VEPH1: variants seen among roughly 807,000 people sequenced by gnomAD.
The protein encoded by VEPH1 is ventricular zone-expressed PH domain-containing protein homolog 1.
In VEPH1, 80 loss-of-function variants were observed where a neutral mutation model predicts 85.2. The ratio of observed to expected loss-of-function variants is 0.94; its 90% CI spans 0.78 to 1.13. VEPH1 has a LOEUF of 1.13. VEPH1 is among the 50% of genes most tolerant of loss of function. VEPH1 has a pLI of 0.00. For missense variants in VEPH1, 955 were observed against 980.5 expected (o/e 0.97, Z 0.35); for synonymous variants, 297 against 348.0 (o/e 0.85, Z 1.63).
intron 9 of VEPH1, among the ~76,000 whole-genome samples, chr3:157,358,141 A>G (rs1273726886): frequency 1.3e-5 from 2 of 152,196 alleles, no homozygotes; most frequent in East Asian, 1.9e-4. Flanking sequence ...GCTGTTGCAG[A>G]TGACTGGGAT....
intron 6 of VEPH1, among the ~76,000 whole-genome samples, chr3:157,413,169 A>T (rs1731651914): frequency 1.3e-5 from 2 of 152,152 alleles, no homozygotes; most frequent in Admixed American, 1.3e-4. Flanking sequence ...AAAAATCCTA[A>T]ATCCCAACAT....
intron 9 of VEPH1, among the ~76,000 whole-genome samples, chr3:157,332,713 TGTTTTG>T (rs1472210053): frequency 6.6e-6 from 1 of 152,252 alleles, no homozygotes; most frequent in Non-Finnish European, 1.5e-5. Flanking sequence ...TTCAAGTACA[TGTTTTG>T]GTTTGAACAC....
chr3:157,442,345 C>T, intron 4 of VEPH1: 1 of 1,541,172 alleles, frequency 6.5e-7, no homozygotes. Context: ...TAATATTCTT[C>T]TTATTTTCTT....
intron 2 of VEPH1, among the ~76,000 whole-genome samples, chr3:157,477,258 C>T (rs529727785): frequency 1.3e-5 from 2 of 151,674 alleles, no homozygotes; most frequent in African/African-American, 2.4e-5. Flanking sequence ...TGGTCCCTTC[C>T]TCCATCTTTA....
At chr3:157,375,583 A>G (rs1299714582) in intron 7 of VEPH1, among the ~76,000 whole-genome samples, 1 of 152,184 alleles carries the variant, frequency 6.6e-6, no homozygotes. Flanking sequence ...GATAAATGGA[A>G]TTCTGGAGCC....
intron 1 of VEPH1, among the ~76,000 whole-genome samples, chr3:157,500,268 G>C (rs937616357): frequency 2.1e-4 from 32 of 152,282 alleles, no homozygotes; most frequent in African/African-American, 7.5e-4. Context: ...AGGTTTTTAA[G>C]ACTGCATTCT....
intron 6 of VEPH1, among the ~76,000 whole-genome samples, chr3:157,408,280 C>T (rs1200962811): frequency 6.6e-6 from 1 of 152,162 alleles, no homozygotes; most frequent in African/African-American, 2.4e-5. Flanking sequence ...CCATATTCCC[C>T]TGTCAACTTT....
chr3:157,438,859 T>C (rs1339522708), intron 4 of VEPH1, among the ~76,000 whole-genome samples: 1 of 152,242 alleles, frequency 6.6e-6, no homozygotes, highest in African/African-American at 2.4e-5. Context: ...TTTTGGATTG[T>C]ATTAGAAAAT....
At chr3:157,470,681 C>T (rs907606889) in intron 2 of VEPH1, 152 bp from the exon 3 acceptor site, 14 of 667,538 alleles carry the variant, frequency 2.1e-5, no homozygotes, top group African/African-American at 7.3e-5. Flanking sequence ...AGGCTTCCTT[C>T]CTTGGAGATC....
intron 4 of VEPH1, among the ~76,000 whole-genome samples, chr3:157,457,977 G>A (rs1735520096): frequency 6.6e-6 from 1 of 152,138 alleles, no homozygotes; most frequent in South Asian, 2.1e-4. Flanking sequence ...GAATTCAGCT[G>A]TGAATCTGTC....
intron 11 of VEPH1, among the ~76,000 whole-genome samples, chr3:157,297,341 G>A (rs984470872): frequency 1.3e-5 from 2 of 152,042 alleles, no homozygotes; most frequent in Non-Finnish European, 1.5e-5. Flanking sequence ...ACCTAGGAGC[G>A]CTGGATTTAA....
At chr3:157,355,064 T>C (rs1247380062) in intron 9 of VEPH1, among the ~76,000 whole-genome samples, 1 of 152,166 alleles carries the variant, frequency 6.6e-6, no homozygotes, top group Non-Finnish European at 1.5e-5. Context: ...GACGGTTCTC[T>C]TCAGCTCCCA....
At chr3:157,331,838 A>T (rs533496267) in intron 9 of VEPH1, among the ~76,000 whole-genome samples, 1 of 152,232 alleles carries the variant, frequency 6.6e-6, no homozygotes, top group African/African-American at 2.4e-5. Context: ...TCCATTGTAC[A>T]TAAGCTTTAT....
chr3:157,455,208 CAAAT>C (rs1366283115), intron 4 of VEPH1, among the ~76,000 whole-genome samples: 4 of 152,210 alleles, frequency 2.6e-5, no homozygotes, highest in Admixed American at 2.0e-4. Flanking sequence ...GGCATTCCCA[CAAAT>C]AGTGTATAAG....
intron 4 of VEPH1, among the ~76,000 whole-genome samples, chr3:157,447,338 T>C (rs960955872): frequency 9.9e-5 from 15 of 151,692 alleles, no homozygotes; most frequent in African/African-American, 3.7e-4. Context: ...TTGATCCATA[T>C]GTGCATTGTC....
At chr3:157,360,566 A>G (rs944035916) in intron 9 of VEPH1, among the ~76,000 whole-genome samples, 7 of 152,172 alleles carry the variant, frequency 4.6e-5, no homozygotes, top group Admixed American at 3.3e-4. Context: ...CCATAACCCC[A>G]TTGTAAGTTG....
At position 157,261,295 on chromosome 3, in the gene VEPH1, C is replaced by T. The variant is rs761566891; in HGVS notation, c.2341G>A (p.Asp781Asn). The change falls in exon 14 of 14, where the codon GAC (aspartate) becomes AAC (asparagine). Residue 781 changes from aspartate to asparagine, a missense_variant. Coordinates refer to ENST00000362010, the MANE Select transcript of VEPH1 (RefSeq NM_001167912.2). ...SVKAVAKKRR[D>N]RSLPRAFEIF... ...TCGAAAGCCCGGGGGAGAGAGCGGTCCCTGCGTTTCTTGGCCACAGCCTTC... is the reference window on the plus strand; with the variant it reads ...TCGAAAGCCCGGGGGAGAGAGCGGTTCCTGCGTTTCTTGGCCACAGCCTTC... 2 of 1,613,652 alleles carry T rather than the reference C, an allele frequency of 1.2e-6. No homozygotes were observed. The highest frequency in any genetic ancestry group is 1.1e-5 in the South Asian group (1 of 91,072).
At chr3:157,406,023 T>G (rs1325379201) in intron 6 of VEPH1, among the ~76,000 whole-genome samples, 2 of 152,214 alleles carry the variant, frequency 1.3e-5, no homozygotes, top group Non-Finnish European at 1.5e-5. Context: ...TGCCTTTGTT[T>G]TCCTTATACT....
intron 9 of VEPH1, among the ~76,000 whole-genome samples, chr3:157,350,876 T>C (rs1343592481): frequency 6.6e-6 from 1 of 152,060 alleles, no homozygotes; most frequent in African/African-American, 2.4e-5. Context: ...AAATAACAAA[T>C]GCTGGTGAGG....
Sources: allele counts gnomAD v4.1 joint callset (sites outside exome capture counted in the v4.1 genomes callset), GRCh38; gene constraint gnomAD v4.1.1; transcripts MANE v1.5; gene names NCBI Gene and HGNC (gene_info 2026-07-23, HGNC 2026-07-21).